The following RAPGEF4 variants were observed in gnomAD, a reference collection of about 807,000 sequenced individuals.
RAPGEF4 encodes the protein Rap guanine nucleotide exchange factor 4.
RAPGEF4 carries 66 observed loss-of-function variants against 147.9 expected under a neutral mutation model. The ratio of observed to expected loss-of-function variants is 0.45; its 90% CI spans 0.37 to 0.55. The LOEUF is 0.55. RAPGEF4 is among the 20% of genes least tolerant of loss of function. The probability of loss-of-function intolerance (pLI) is 0.00; values close to 1 mark genes in which losing one functional copy is unlikely to be tolerated. For missense variants in RAPGEF4, 1,071 were observed against 1,257.3 expected (o/e 0.85, Z 2.24); for synonymous variants, 419 against 442.7 (o/e 0.95, Z 0.67).
In RAPGEF4 at chr2:172,903,931, A is replaced by G. The variant is rs149842653; in HGVS notation, c.445-13871A>G. On this transcript the variant is annotated intron_variant, in intron 4 of 30. Coordinates refer to ENST00000397081, the MANE Select transcript of RAPGEF4 (RefSeq NM_007023.4). ...TTCCTGCCCCATAAATCTCCACTCAATCCCCTCTACCTGGCATGCCACCCT... is the reference window on the plus strand; with the variant it reads ...TTCCTGCCCCATAAATCTCCACTCAGTCCCCTCTACCTGGCATGCCACCCT... Among the ~76,000 whole-genome samples the G allele has an allele frequency of 1.5e-3, 221 of 152,164 alleles. 1 individual carries two copies. The highest frequency in any genetic ancestry group is 4.7e-3 in the African/African-American group (194 of 41,508).
chr2:172,999,700 T>C (rs1055228311), intron 16 of RAPGEF4, among the ~76,000 whole-genome samples: 6 of 152,348 alleles, frequency 3.9e-5, no homozygotes, highest in Middle Eastern at 3.4e-3. Context: ...TGAACTTACA[T>C]TGGCAAAGTC....
chr2:172,937,646 T>C (rs917486291), intron 6 of RAPGEF4, among the ~76,000 whole-genome samples: 3 of 152,172 alleles, frequency 2.0e-5, no homozygotes, highest in Non-Finnish European at 4.4e-5. Context: ...CTTTCCATAC[T>C]GAACTCTTTG....
intron 4 of RAPGEF4, among the ~76,000 whole-genome samples, chr2:172,834,378 G>C (rs1690695158): frequency 6.6e-6 from 1 of 152,224 alleles, no homozygotes; most frequent in Admixed American, 6.5e-5. Flanking sequence ...ACTCAGGGAA[G>C]AGAGATTGAA....
At chr2:172,785,399 CTAA>C (rs891494012) in intron 1 of RAPGEF4, among the ~76,000 whole-genome samples, 23 of 152,048 alleles carry the variant, frequency 1.5e-4, no homozygotes, top group African/African-American at 5.3e-4. Flanking sequence ...GTCTTGGTGG[CTAA>C]TAATGATGAT....
At chr2:172,782,600 AC>A (rs1375435494) in intron 1 of RAPGEF4, among the ~76,000 whole-genome samples, 4 of 152,220 alleles carry the variant, frequency 2.6e-5, no homozygotes, top group Admixed American at 6.5e-5. Context: ...AGCACTAAGT[AC>A]TACGAAATGA....
chr2:172,840,117 T>C (rs141214758), intron 4 of RAPGEF4, among the ~76,000 whole-genome samples: 14 of 152,344 alleles, frequency 9.2e-5, no homozygotes, highest in African/African-American at 2.9e-4. Flanking sequence ...TGACGAATTA[T>C]GGTCAGAGCA....
chr2:172,779,581 C>T (rs1684497357), intron 1 of RAPGEF4, among the ~76,000 whole-genome samples: 1 of 151,992 alleles, frequency 6.6e-6, no homozygotes, highest in Non-Finnish European at 1.5e-5. Context: ...GACATGGGGG[C>T]CAGGTGATGT....
Position 173,016,230 on chromosome 2 carries a change from G to A in RAPGEF4, c.1810-119G>A, listed in dbSNP as rs903904617. 4.4e-6 allele frequency: 3 copies of A among 674,212 alleles called. No individual in the cohort carries two copies. In the African/African-American group the frequency reaches 5.4e-5, roughly 12 times the overall value. 41.8% of individuals were successfully genotyped at this position (674,212 alleles called of 1,614,324 possible). A position where few individuals can be genotyped will look rare whatever the true frequency, so the allele number is the denominator to read the frequency against. On this transcript the variant is annotated intron_variant, in intron 18 of 30. Transcript: ENST00000397081. ...CTTTGTTCTTCCTCCAGTCCATGAAGCCATGGTCTGGAGATGCTGGTGAAG... is the reference window on the plus strand; with the variant it reads ...CTTTGTTCTTCCTCCAGTCCATGAAACCATGGTCTGGAGATGCTGGTGAAG...
chr2:172,809,602 C>T (rs891913681), intron 3 of RAPGEF4, among the ~76,000 whole-genome samples: 2 of 152,042 alleles, frequency 1.3e-5, no homozygotes, highest in Non-Finnish European at 2.9e-5. Flanking sequence ...GGGATCATAG[C>T]CTACTGTAAC....
intron 8 of RAPGEF4, among the ~76,000 whole-genome samples, chr2:172,963,156 A>C (rs1689473848): frequency 1.3e-5 from 2 of 152,262 alleles, no homozygotes; most frequent in South Asian, 4.1e-4. Flanking sequence ...CAAGAAAAGC[A>C]AAAGGGGAAA....
At chr2:172,962,996 T>G (rs1250205165) in intron 8 of RAPGEF4, among the ~76,000 whole-genome samples, 1 of 152,024 alleles carries the variant, frequency 6.6e-6, no homozygotes, top group East Asian at 1.9e-4. Context: ...ACAGGAAGCA[T>G]GACTAAGAGG....
At chr2:172,844,464 T>G (rs914403570) in intron 4 of RAPGEF4, among the ~76,000 whole-genome samples, 2 of 152,202 alleles carry the variant, frequency 1.3e-5, no homozygotes, top group African/African-American at 4.8e-5. Context: ...AGAAAATGAC[T>G]TCAGGACCTC....
intron 10 of RAPGEF4, among the ~76,000 whole-genome samples, chr2:172,977,244 T>C (rs1691170489): frequency 6.6e-6 from 1 of 152,206 alleles, no homozygotes; most frequent in Admixed American, 6.5e-5. Context: ...CATTACTGTT[T>C]GAACAGTCTG....
chr2:172,808,108 AAGTGCCTTAGCTTGAATACC>A (rs1317498446), intron 3 of RAPGEF4, among the ~76,000 whole-genome samples: 1 of 152,262 alleles, frequency 6.6e-6, no homozygotes, highest in African/African-American at 2.4e-5. Flanking sequence ...TGCAAGGCAC[AAGTGCCTTAGCTTGAATACC>A]AGTCTTAGTT....
chr2:172,891,815 T>C (rs1282282052), intron 4 of RAPGEF4, among the ~76,000 whole-genome samples: 1 of 152,170 alleles, frequency 6.6e-6, no homozygotes, highest in Non-Finnish European at 1.5e-5. Context: ...TAAATACAAA[T>C]ATACTTGAAA....
At chr2:172,917,545 A>T (rs1157696689) in intron 4 of RAPGEF4, 11 of 663,766 alleles carry the variant, frequency 1.7e-5, no homozygotes, top group Middle Eastern at 2.9e-4. Context: ...CAATTCAGGC[A>T]GCCACAGATA....
At chr2:172,778,755 G>A (rs1209685131) in intron 1 of RAPGEF4, among the ~76,000 whole-genome samples, 1 of 152,070 alleles carries the variant, frequency 6.6e-6, no homozygotes, top group African/African-American at 2.4e-5. Context: ...CCACATTTTT[G>A]AATATTTAGG....
At chr2:172,736,461 G>A (rs1401701262) in intron 1 of RAPGEF4, among the ~76,000 whole-genome samples, 1 of 152,204 alleles carries the variant, frequency 6.6e-6, no homozygotes, top group Non-Finnish European at 1.5e-5. Context: ...GGCACCGGCA[G>A]GTGCAGAGTA....
At chr2:172,873,032 C>A (rs1695430403) in intron 4 of RAPGEF4, among the ~76,000 whole-genome samples, 1 of 152,146 alleles carries the variant, frequency 6.6e-6, no homozygotes, top group African/African-American at 2.4e-5. Context: ...TTATAACATG[C>A]CACCAGCTTA....
Sources: gnomAD v4.1 joint callset for allele counts (sites outside exome capture counted in the v4.1 genomes callset) on GRCh38, gnomAD v4.1.1 for gene constraint, MANE v1.5 for transcripts, NCBI Gene and HGNC (gene_info 2026-07-23, HGNC 2026-07-21) for gene names.